Variants in SALL4 observed in about 807,000 individuals in gnomAD.
SALL4 encodes the protein spalt like transcription factor 4.
Under a neutral mutation model 60.8 loss-of-function variants are expected in SALL4, and 4 were observed. The ratio of observed to expected loss-of-function variants is 0.07; its 90% CI spans 0.03 to 0.15. The LOEUF (loss-of-function observed/expected upper bound fraction) is 0.15, where lower values mean the gene tolerates loss of function less well. SALL4 is among the 10% of genes least tolerant of loss of function. The pLI, the probability that SALL4 is intolerant of heterozygous loss-of-function variation, is 1.00. For missense variants in SALL4, 1,178 were observed against 1,394.7 expected, an observed-to-expected ratio of 0.84 and a Z score of 2.48; for synonymous variants, 580 against 574.9, an observed-to-expected ratio of 1.01 and a Z score of -0.13.
chr20:51,784,088 G>T lies in SALL4; in HGVS notation c.*177C>A. 1.4e-6 allele frequency: 1 copy of T among 699,556 alleles called. No individual in the cohort carries two copies. The highest frequency in any genetic ancestry group is 2.4e-6 in the Non-Finnish European group (1 of 416,628). 43.3% of individuals were successfully genotyped at this position (699,556 alleles called of 1,614,324 possible). A position where few individuals can be genotyped will look rare whatever the true frequency, so the allele number is the denominator to read the frequency against. ...TATTTTTTCAACTTTTTGCAAAGCAGCATAGCAACAATCGTGATTGTAGCA... is the reference window on the plus strand; with the variant it reads ...TATTTTTTCAACTTTTTGCAAAGCATCATAGCAACAATCGTGATTGTAGCA... On this transcript the variant is annotated 3_prime_UTR_variant, in exon 4 of 4. Transcript: ENST00000217086.
intron 1 of SALL4, among the ~76,000 whole-genome samples, chr20:51,799,554 T>C (rs2078097985): frequency 6.6e-6 from 1 of 152,246 alleles, no homozygotes; most frequent in Non-Finnish European, 1.5e-5. Context: ...CAAAAGGAGC[T>C]GTTTGGCAAA....
In SALL4 at chr20:51,790,713, C is replaced by T. The variant is rs1179036309; in HGVS notation, c.1770G>A (p.Gly590=). 1.9e-6 allele frequency: 3 copies of T among 1,613,974 alleles called. No homozygotes were observed. The highest frequency in any genetic ancestry group is 2.5e-6 in the Non-Finnish European group (3 of 1,180,034). ...AGATCTTACACTGGAACGGTCTCTCCCCGGTGTGGGTGCGATAATGCATCT... is the reference window on the plus strand; with the variant it reads ...AGATCTTACACTGGAACGGTCTCTCTCCGGTGTGGGTGCGATAATGCATCT... ...SLKMHYRTHT[G]ERPFQCKICG... is the part of the protein sequence containing the mutation. Residue 590 remains glycine (G), a synonymous_variant, in exon 2 of 4, where the codon GGG becomes GGA. Coordinates refer to ENST00000217086, the MANE Select transcript of SALL4 (RefSeq NM_020436.5). The surrounding 1 kb of genome is among the most constrained non-coding windows in gnomAD (Gnocchi z 5.5).
At chr20:51,789,934 T>A (rs1426049061) in intron 2 of SALL4, 88 bp downstream of exon 2, 1 of 1,542,550 alleles carries the variant, frequency 6.5e-7, no homozygotes, top group East Asian at 2.2e-5. Flanking sequence ...CTTCAAGTCA[T>A]ACTCTCCGTT....
chr20:51,789,741 C>T (rs1229536844), intron 2 of SALL4, among the ~76,000 whole-genome samples: 18 of 152,100 alleles, frequency 1.2e-4, no homozygotes, highest in Admixed American at 1.2e-3. Context: ...GAACGACTAC[C>T]CACCCCTATG....
At position 51,792,712 on chromosome 20, in the gene SALL4, C is replaced by CAAAAAAAAAAAAA. The variant is rs1568866688; in HGVS notation, c.131-361_131-360insTTTTTTTTTTTTT. 12 of 519,504 alleles carry CAAAAAAAAAAAAA rather than the reference C, an allele frequency of 2.3e-5. No homozygotes were observed. The African/African-American group carries it at 3.4e-4, about 15-fold the overall frequency. The allele number at this position is 519,504 out of a possible 1,614,324, so 32.2% of individuals were successfully genotyped here. Reference sequence around the variant, plus strand: ...TCAAAAAAAAAAAAAAAAAAAAAGGCAAAAAGGCTGATCCCTGAATTTCTT... The same window carrying CAAAAAAAAAAAAA: ...TCAAAAAAAAAAAAAAAAAAAAAGGCAAAAAAAAAAAAAAAAAAGGCTGATCCCTGAATTTCTT... On this transcript the variant is annotated intron_variant, in intron 1 of 3. Coordinates refer to ENST00000217086, the MANE Select transcript of SALL4 (RefSeq NM_020436.5).
In SALL4 at chr20:51,784,604, C is replaced by T. The variant is rs776838731; in HGVS notation, c.2823G>A (p.Leu941=). 2 of 1,614,198 alleles carry T rather than the reference C, an allele frequency of 1.2e-6. No homozygotes were observed. Among genetic ancestry groups the T allele is most frequent in the South Asian group, 1.1e-5 (1 of 91,076 alleles). The change falls in exon 4 of 4, where the codon CTG becomes CTA. Residue 941 remains leucine, a synonymous_variant. Transcript: ENST00000217086. ...AGACTCTTTTTCCGTCCGTACCTAA[C>T]AGAGCCATGGTGTTCTCGATGGCCA... The part of the protein sequence containing the change: ...RKLAIENTMA[L]LGTDGKRVSE...
chr20:51,802,232 C>T, intron 1 of SALL4, 47 bp downstream of exon 1: 2 of 1,547,184 alleles, frequency 1.3e-6, no homozygotes, highest in Non-Finnish European at 1.7e-6. Flanking sequence ...ATCCCGCGTA[C>T]GTCCGGGAAG....
At chr20:51,798,381 A>T (rs1439201225) in intron 1 of SALL4, among the ~76,000 whole-genome samples, 1 of 140,662 alleles carries the variant, frequency 7.1e-6, no homozygotes, top group Non-Finnish European at 1.5e-5. Flanking sequence ...TGCAAACTCC[A>T]TGAGGGCAGG....
rs1362760404 is a variant in SALL4 at position 51,783,659 on chromosome 20, TTCTATG to T, written c.*600_*605del. ...AAAGTCACTCTAGGTTGTACAAAGG[TTCTATG>T]TATACGTCTGTTACAAGTAACAAAG... On this transcript the variant is annotated 3_prime_UTR_variant, in exon 4 of 4. Transcript: ENST00000217086. 6.4e-6 allele frequency: 1 copy of T among 155,534 alleles called. No individual in the cohort carries two copies. Among genetic ancestry groups the T allele is most frequent in the Non-Finnish European group, 1.4e-5 (1 of 70,170 alleles). The allele number at this position is 155,534 out of a possible 1,614,324, so 9.6% of individuals were successfully genotyped here.
In SALL4 at chr20:51,801,880, CTTTT is replaced by C. The variant is rs1253769511; in HGVS notation, c.130+395_130+398del. Among the ~76,000 whole-genome samples, 2 of 134,946 alleles carry C rather than the reference CTTTT, an allele frequency of 1.5e-5. No individual in the cohort carries two copies. Among genetic ancestry groups the C allele is most frequent in the African/African-American group, 2.9e-5 (1 of 34,978 alleles). The allele number at this position is 134,946 out of a possible 152,430, so 88.5% of individuals were successfully genotyped here. On this transcript the variant is annotated intron_variant, in intron 1 of 3. Coordinates refer to ENST00000217086, the MANE Select transcript of SALL4 (RefSeq NM_020436.5). The surrounding 1 kb of genome is among the most constrained non-coding windows in gnomAD (Gnocchi z 5.2). ...GGGTGGGGATCCCCCGGGGTTCTTT[CTTTT>C]GAGAGCGACGCGAGGGAGGGGGACC... is the stretch of plus-strand genomic sequence containing the variant.
chr20:51,789,668 T>G (rs1033923737), intron 2 of SALL4, among the ~76,000 whole-genome samples: 2 of 151,896 alleles, frequency 1.3e-5, no homozygotes, highest in African/African-American at 4.8e-5. Flanking sequence ...AACATACTCT[T>G]AAGACACCCA....
At chr20:51,798,835 A>T (rs2078093917) in intron 1 of SALL4, among the ~76,000 whole-genome samples, 1 of 150,600 alleles carries the variant, frequency 6.6e-6, no homozygotes, top group Admixed American at 6.6e-5. Flanking sequence ...GTTATTTTTA[A>T]AAAACCAATA....
chr20:51,792,744 C>G (rs1307906126), intron 1 of SALL4: 2 of 764,420 alleles, frequency 2.6e-6, no homozygotes, highest in Non-Finnish European at 3.4e-6. Context: ...TCTTTTGTAA[C>G]TGGGGCTTAC....
At chr20:51,784,760 A>G (rs914838073) in intron 3 of SALL4, 76 bp from the exon 4 acceptor site, 1 of 1,520,192 alleles carries the variant, frequency 6.6e-7, no homozygotes, top group Non-Finnish European at 9.1e-7. Flanking sequence ...ATCAATCTGC[A>G]TATGGATTTC....
rs746969072 is a variant in SALL4, at chr20:51,789,040, T to G, written c.2563A>C (p.Met855Leu). 6.2e-7 allele frequency: 1 copy of G among 1,614,182 alleles called. No individual in the cohort carries two copies. The highest frequency in any genetic ancestry group is 1.1e-5 in the South Asian group (1 of 91,076). The change falls in exon 3 of 4, where the codon ATG (methionine) becomes CTG (leucine). Residue 855 changes from methionine to leucine, a missense_variant. Physicochemically the swap from Met to Leu is conservative, Grantham distance 15. Coordinates refer to ENST00000217086, the MANE Select transcript of SALL4 (RefSeq NM_020436.5). ...GGCTGGGCTGCTAACAAAGGGGTCA[T>G]CCCTGGGGACAATGTCGAGGGTCCC... is the stretch of plus-strand genomic sequence containing the variant. ...FVGPSTLSPG[M>L]TPLLAAQPRR...
Position 51,791,000 on chromosome 20 carries a change from G to A in SALL4, c.1483C>T (p.Pro495Ser), listed in dbSNP as rs1450773588. ...LPQNLSSGTN[P>S]KDLTGGSLPG... Reference sequence around the variant, plus strand: ...AAGGAGCCACCCGTGAGGTCCTTGGGATTAGTCCCCGAAGAAAGATTCTGA... The same window carrying A: ...AAGGAGCCACCCGTGAGGTCCTTGGAATTAGTCCCCGAAGAAAGATTCTGA... Residue 495 changes from proline to serine, a missense_variant, in exon 2 of 4, where the codon CCC becomes TCC. Pro to Ser is a moderately conservative substitution (Grantham distance 74). Transcript: ENST00000217086. The surrounding 1 kb of genome is among the most constrained non-coding windows in gnomAD (Gnocchi z 5.5). The A allele has an allele frequency of 2.5e-6, 4 of 1,614,182 alleles. No individual in the cohort carries two copies. The highest frequency in any genetic ancestry group is 3.4e-6 in the Non-Finnish European group (4 of 1,180,032).
Position 51,791,593 on chromosome 20 carries a change from G to A in SALL4, c.890C>T (p.Ala297Val). The change falls in exon 2 of 4, where the codon GCC becomes GTC. Residue 297 changes from alanine (A) to valine (V), a missense_variant. Transcript: ENST00000217086. This position sits in a 1 kb window ranked among gnomAD's most constrained non-coding sequence, Gnocchi z 4.6. Reference protein sequence around the residue: ...DALKQAKLPHANIPSATSSLS... With the variant: ...DALKQAKLPHVNIPSATSSLS... ...GGAGCTGGTGGCAGAAGGGATGTTG[G>A]CGTGAGGTAGCTTGGCTTGTTTCAA... The A allele has an allele frequency of 1.2e-6, 2 of 1,613,598 alleles. No individual in the cohort carries two copies. Among genetic ancestry groups the A allele is most frequent in the South Asian group, 1.1e-5 (1 of 91,084 alleles).
chr20:51,798,659 A>G (rs1453591721), intron 1 of SALL4, among the ~76,000 whole-genome samples: 2 of 152,034 alleles, frequency 1.3e-5, no homozygotes, highest in Non-Finnish European at 2.9e-5. Context: ...AAACTCCAAC[A>G]TTGTTTTATT....
intron 1 of SALL4, among the ~76,000 whole-genome samples, chr20:51,794,105 A>T (rs2078066088): frequency 6.6e-6 from 1 of 152,250 alleles, no homozygotes; most frequent in African/African-American, 2.4e-5. Flanking sequence ...GACTGCTGAG[A>T]ACAATGCCTT....
Sources: gnomAD v4.1 joint callset for allele counts (sites outside exome capture counted in the v4.1 genomes callset) on GRCh38, gnomAD v4.1.1 for gene constraint, Gnocchi (gnomAD v3.1) non-coding constraint, MANE v1.5 for transcripts, NCBI Gene and HGNC (gene_info 2026-07-23, HGNC 2026-07-21) for gene names.